CHRNA7: variants seen among roughly 807,000 people sequenced by gnomAD.
CHRNA7 encodes the protein cholinergic receptor nicotinic alpha 7 subunit.
In CHRNA7, 17 loss-of-function variants were observed where a neutral mutation model predicts 48.0. The observed-to-expected ratio is 0.35, with a 90% CI of 0.24 to 0.53. The LOEUF (loss-of-function observed/expected upper bound fraction) is 0.53. Ranked by LOEUF, CHRNA7 falls within the 20% of genes least tolerant of loss-of-function variation. The probability of loss-of-function intolerance (pLI) is 0.92; values close to 1 mark genes in which losing one functional copy is unlikely to be tolerated. For missense variants in CHRNA7, 155 were observed against 577.7 expected (o/e 0.27, Z 7.50); for synonymous variants, 75 against 242.3 (o/e 0.31, Z 6.41).
At chr15:32,065,982 T>C (rs1818507) in intron 2 of CHRNA7, among the ~76,000 whole-genome samples, 134,688 of 148,920 alleles carry the variant, frequency 0.9, 60,402 homozygotes, top group South Asian at 0.98. Flanking sequence ...GCACACAACA[T>C]AGCCCACTGC....
intron 4 of CHRNA7, among the ~76,000 whole-genome samples, chr15:32,125,098 G>C (rs536783795): frequency 6.6e-6 from 1 of 152,254 alleles, no homozygotes; most frequent in South Asian, 2.1e-4. Flanking sequence ...TAAATATTAC[G>C]AGAAAGAAAA....
At chr15:32,067,226 A>T (rs550900977) in intron 2 of CHRNA7, among the ~76,000 whole-genome samples, 1 of 152,240 alleles carries the variant, frequency 6.6e-6, no homozygotes, top group Non-Finnish European at 1.5e-5. Flanking sequence ...ACCTAGATAC[A>T]TCATAATCAA....
intron 2 of CHRNA7, among the ~76,000 whole-genome samples, chr15:32,071,670 ACCT>A (rs1437793366): frequency 6.6e-6 from 1 of 151,748 alleles, no homozygotes; most frequent in African/African-American, 2.4e-5. Context: ...AGAGCCTGGC[ACCT>A]CCTCCTCTCT....
intron 2 of CHRNA7, among the ~76,000 whole-genome samples, chr15:32,093,638 C>T (rs118070953): frequency 0.013 from 2,033 of 152,304 alleles, 49 homozygotes; most frequent in African/African-American, 0.046. Flanking sequence ...GTCCTAAGCT[C>T]AGGAAACCCA....
chr15:32,136,949 G>A (rs1483630658), intron 4 of CHRNA7, among the ~76,000 whole-genome samples: 9 of 142,944 alleles, frequency 6.3e-5, no homozygotes, highest in Admixed American at 2.9e-4. Context: ...GGAGAATGGC[G>A]TGAACCCGGG....
intron 4 of CHRNA7, among the ~76,000 whole-genome samples, chr15:32,145,735 A>G (rs566281463): frequency 6.6e-6 from 1 of 152,350 alleles, no homozygotes; most frequent in Non-Finnish European, 1.5e-5. Flanking sequence ...GGCCAGGCAC[A>G]GGAGGGAATC....
chr15:32,062,073 A>G (rs1462277217), intron 2 of CHRNA7, among the ~76,000 whole-genome samples: 1 of 152,174 alleles, frequency 6.6e-6, no homozygotes, highest in Non-Finnish European at 1.5e-5. Flanking sequence ...TTCCATTTAC[A>G]TTTCTCATAG....
At chr15:32,118,930 CAGA>C (rs973683557) in intron 4 of CHRNA7, among the ~76,000 whole-genome samples, 2 of 146,902 alleles carry the variant, frequency 1.4e-5, no homozygotes, top group African/African-American at 5.1e-5. Flanking sequence ...GTGTTCCTGA[CAGA>C]AGGAACAGCC....
intron 4 of CHRNA7, among the ~76,000 whole-genome samples, chr15:32,140,030 G>A (rs1343092877): frequency 2.0e-5 from 3 of 151,990 alleles, no homozygotes; most frequent in African/African-American, 7.2e-5. Context: ...CCATTAACTG[G>A]TCATTTACAT....
chr15:32,142,031 A>G (rs776736715), intron 4 of CHRNA7, among the ~76,000 whole-genome samples: 5 of 152,180 alleles, frequency 3.3e-5, no homozygotes, highest in Admixed American at 3.3e-4. Context: ...GTTTTGGACT[A>G]TTCAGTATGA....
At chr15:32,057,903 T>A (rs922703919) in intron 2 of CHRNA7, among the ~76,000 whole-genome samples, 1 of 152,200 alleles carries the variant, frequency 6.6e-6, no homozygotes, top group Non-Finnish European at 1.5e-5. Context: ...GATATACATG[T>A]AAGTCAGGTA....
intron 2 of CHRNA7, among the ~76,000 whole-genome samples, chr15:32,075,426 A>G (rs2050122218): frequency 6.6e-6 from 1 of 152,168 alleles, no homozygotes; most frequent in Non-Finnish European, 1.5e-5. Context: ...GTGAGTTGTA[A>G]TCATTTGTCT....
chr15:32,134,223 A>G (rs994806886), intron 4 of CHRNA7, among the ~76,000 whole-genome samples: 2 of 149,990 alleles, frequency 1.3e-5, no homozygotes, highest in Non-Finnish European at 3.0e-5. Flanking sequence ...CAGTGGCGGG[A>G]TCTCGGCTCA....
chr15:32,086,531 A>G (rs922106504), intron 2 of CHRNA7, among the ~76,000 whole-genome samples: 2 of 152,238 alleles, frequency 1.3e-5, no homozygotes, highest in Middle Eastern at 3.4e-3. Context: ...GTTTGTTACA[A>G]TTAGTAATTG....
chr15:32,041,487 C>T (rs929982286), intron 2 of CHRNA7, among the ~76,000 whole-genome samples: 2 of 152,218 alleles, frequency 1.3e-5, no homozygotes, highest in African/African-American at 2.4e-5. Context: ...TGACCGGAGG[C>T]GGAGCTCAGG....
At chr15:32,061,150 G>GC (rs1485922903) in intron 2 of CHRNA7, among the ~76,000 whole-genome samples, 3 of 152,234 alleles carry the variant, frequency 2.0e-5, no homozygotes, top group Non-Finnish European at 4.4e-5. Context: ...GATTCATGGT[G>GC]CTTGTAGGAG....
chr15:32,114,042 A>T (rs372044476), intron 4 of CHRNA7, among the ~76,000 whole-genome samples: 1 of 70,346 alleles, frequency 1.4e-5, no homozygotes, highest in African/African-American at 5.4e-5. Flanking sequence ...ATATATATAT[A>T]TGTATATATA....
chr15:32,044,253 C>CTCCTTCAT (rs2049499047), intron 2 of CHRNA7, among the ~76,000 whole-genome samples: 1 of 140,918 alleles, frequency 7.1e-6, no homozygotes, highest in African/African-American at 2.7e-5. Context: ...CGATCTTTTC[C>CTCCTTCAT]TCCTTCCTTC....
intron 2 of CHRNA7, among the ~76,000 whole-genome samples, chr15:32,053,292 T>TA (rs1245862933): frequency 6.6e-6 from 1 of 152,208 alleles, no homozygotes; most frequent in East Asian, 1.9e-4. Context: ...GACATGCTGT[T>TA]AAAGGAAGAG....
Sources: gnomAD v4.1 joint callset for allele counts (sites outside exome capture counted in the v4.1 genomes callset) on GRCh38, gnomAD v4.1.1 for gene constraint, MANE v1.5 for transcripts, NCBI Gene and HGNC (gene_info 2026-07-23, HGNC 2026-07-21) for gene names.